Variants in PTX4 observed in about 807,000 individuals in gnomAD.
PTX4 encodes pentraxin 4, also known as pentraxin-4.
In PTX4, 23 loss-of-function variants were observed where a neutral mutation model predicts 19.1. The observed-to-expected ratio is 1.20, with a 90% CI of 0.87 to 1.70. PTX4 has a LOEUF of 1.70. PTX4 is among the 40% of genes most tolerant of loss of function. The pLI, the probability that PTX4 is intolerant of heterozygous loss-of-function variation, is 0.00. For missense variants in PTX4, 678 were observed against 610.5 expected (o/e 1.11, Z -1.17); for synonymous variants, 317 against 279.6 (o/e 1.13, Z -1.33).
rs1489840581 is a variant in PTX4, at chr16:1,485,994, A to G, written c.1382T>C (p.Leu461Pro). Residue 461 changes from leucine (L) to proline (P), a missense_variant, in exon 3 of 3, where the codon CTA becomes CCA. By Grantham distance (98) the Leu-to-Pro change is moderately conservative. Transcript: ENST00000447419. ...GGCCCCCTGCACAAATCCGCCTGCTAGTGCAGCATTGGCCAGCGTCAGGAT... is the reference window on the plus strand; with the variant it reads ...GGCCCCCTGCACAAATCCGCCTGCTGGTGCAGCATTGGCCAGCGTCAGGAT... ...GAILTLANAA[L>P]AGGFVQGANC... is the part of the protein sequence containing the mutation. 4 of 1,613,252 alleles carry G rather than the reference A, an allele frequency of 2.5e-6. No homozygotes were observed. Among genetic ancestry groups the G allele is most frequent in the Non-Finnish European group, 3.4e-6 (4 of 1,179,916 alleles).
chr16:1,485,977 G>T lies in PTX4; in HGVS notation c.1399C>A (p.Gln467Lys). ...ANAALAGGFV[Q>K]GANCTCLERC... ...TCCAGGCAGGTGCAGTTGGCCCCCT[G>T]CACAAATCCGCCTGCTAGTGCAGCA... Residue 467 changes from glutamine to lysine, a missense_variant, in exon 3 of 3, where the codon CAG (glutamine) becomes AAG (lysine). Transcript: ENST00000447419. 1 of 1,611,304 alleles carries T rather than the reference G, an allele frequency of 6.2e-7. No individual in the cohort carries two copies.
chr16:1,488,324 G>A (rs1294439714), intron 1 of PTX4: 1 of 1,610,594 alleles, frequency 6.2e-7, no homozygotes, highest in Non-Finnish European at 8.5e-7. Flanking sequence ...TGCTTTACGA[G>A]GCCCAAACAG....
rs2039239900 is a variant in PTX4 at position 1,486,035 on chromosome 16, C to G, written c.1341G>C (p.Glu447Asp). Residue 447 changes from glutamate to aspartate, a missense_variant, in exon 3 of 3, where the codon GAG becomes GAC. Transcript: ENST00000447419. Reference sequence around the variant, plus strand: ...GCGTCAGGATGGCACCTGTCGGGAACTCTTTCCCGATGGCAAGGTTTGCAA... The same window carrying G: ...GCGTCAGGATGGCACCTGTCGGGAAGTCTTTCCCGATGGCAAGGTTTGCAA... ...GEVANLAIGK[E>D]FPTGAILTLA... 1.2e-6 allele frequency: 2 copies of G among 1,614,122 alleles called. No individual in the cohort carries two copies. Among genetic ancestry groups the G allele is most frequent in the Non-Finnish European group, 1.7e-6 (2 of 1,180,022 alleles).
At position 1,487,444 on chromosome 16, in the gene PTX4, G is replaced by C. The variant is rs563821945; in HGVS notation, c.668C>G (p.Pro223Arg). Residue 223 changes from proline (P) to arginine (R), a missense_variant, in exon 2 of 3, where the codon CCA (proline) becomes CGA (arginine). Physicochemically the swap from Pro to Arg is moderately radical, Grantham distance 103. Coordinates refer to ENST00000447419, the MANE Select transcript of PTX4 (RefSeq NM_001328608.2). ...TTGGAGAGGGGCCGAGGAGTCCTGTGGGGGGCCCCTGTGCTCAGAGGCAGC... is the reference window on the plus strand; with the variant it reads ...TTGGAGAGGGGCCGAGGAGTCCTGTCGGGGGCCCCTGTGCTCAGAGGCAGC... ...LRAASEHRGP[P>R]QDSSAPLQGR... is the part of the protein sequence containing the mutation. The C allele has an allele frequency of 1.3e-6, 2 of 1,515,270 alleles. No individual in the cohort carries two copies. Among genetic ancestry groups the C allele is most frequent in the South Asian group, 1.3e-5 (1 of 75,128 alleles). The allele number at this position is 1,515,270 out of a possible 1,614,324, so 93.9% of individuals were successfully genotyped here. A position where few individuals can be genotyped will look rare whatever the true frequency, so the allele number is the denominator to read the frequency against.
Position 1,486,414 on chromosome 16 carries a change from T to A in PTX4, c.962A>T (p.Asn321Ile), listed in dbSNP as rs1174034031. 6.2e-7 allele frequency: 1 copy of A among 1,614,056 alleles called. No individual in the cohort carries two copies. The highest frequency in any genetic ancestry group is 8.5e-7 in the Non-Finnish European group (1 of 1,180,000). ...GTLLSYATED[N>I]DNKLVLHGRD... ...GCCGTGCAGCACCAGCTTGTTGTCA[T>A]TGTCCTCGGTGGCGTAGGACAGGAG... The change falls in exon 3 of 3, where the codon AAT becomes ATT. Residue 321 changes from asparagine (N) to isoleucine (I), a missense_variant. Physicochemically the swap from Asn to Ile is moderately radical, Grantham distance 149. Coordinates refer to ENST00000447419, the MANE Select transcript of PTX4 (RefSeq NM_001328608.2).
rs142568399 is a variant in PTX4 at position 1,487,921 on chromosome 16, C to T, written c.191G>A (p.Ser64Asn). ...VTWTHLQNIA[S>N]NYNVSYNVDV... ...AACGTTGTAGGACACGTTGTAGTTG[C>T]TGGCGATGTTCTGCAGGTGTGTCCA... Residue 64 changes from serine (S) to asparagine (N), a missense_variant, in exon 2 of 3, where the codon AGC becomes AAC. Coordinates refer to ENST00000447419, the MANE Select transcript of PTX4 (RefSeq NM_001328608.2). 1.5e-5 allele frequency: 24 copies of T among 1,608,426 alleles called. No individual in the cohort carries two copies. The African/African-American group carries it at 3.2e-4, about 21-fold the overall frequency.
In PTX4 at chr16:1,487,729, G is replaced by T. The variant is rs367743776; in HGVS notation, c.383C>A (p.Thr128Asn). The T allele has an allele frequency of 4.3e-6, 7 of 1,612,352 alleles. No homozygotes were observed. The highest frequency in any genetic ancestry group is 1.3e-5 in the African/African-American group (1 of 74,926). Residue 128 changes from threonine (T) to asparagine (N), a missense_variant, in exon 2 of 3, where the codon ACC becomes AAC. Coordinates refer to ENST00000447419, the MANE Select transcript of PTX4 (RefSeq NM_001328608.2). ...VDTRLRALDL[T>N]LGERSQQRAR... ...CCGCTGCTGGCTCCTCTCGCCCAGG[G>T]TGAGGTCCAAGGCCCGCAGCCGCGT...
chr16:1,488,663 C>T (rs1162763950), intron 1 of PTX4, 106 bp downstream of exon 1: 16 of 628,414 alleles, frequency 2.5e-5, no homozygotes, highest in Non-Finnish European at 4.0e-5. Context: ...ACGCGGTGTT[C>T]GTGTCCGCCA....
In PTX4 at chr16:1,487,458, C is replaced by T; in HGVS notation, c.654G>A (p.Glu218=). The part of the protein sequence containing the change: ...RDRQELRAAS[E]HRGPPQDSSA... ...AGGAGTCCTGTGGGGGGCCCCTGTG[C>T]TCAGAGGCAGCTCGGAGCTCCTGCC... is the stretch of plus-strand genomic sequence containing the variant. Residue 218 remains glutamate (E), a synonymous_variant, in exon 2 of 3, where the codon GAG becomes GAA. Transcript: ENST00000447419. 6.6e-7 allele frequency: 1 copy of T among 1,510,924 alleles called. No homozygotes were observed. Among genetic ancestry groups the T allele is most frequent in the South Asian group, 1.3e-5 (1 of 74,742 alleles). 93.6% of individuals were successfully genotyped at this position (1,510,924 alleles called of 1,614,324 possible). A position where few individuals can be genotyped will look rare whatever the true frequency, so the allele number is the denominator to read the frequency against.
Position 1,488,899 on chromosome 16 carries a change from G to C in PTX4, c.11C>G (p.Ser4Trp), listed in dbSNP as rs752001556. 4.3e-6 allele frequency: 3 copies of C among 699,574 alleles called. No homozygotes were observed. In the African/African-American group the frequency reaches 5.2e-5, roughly 12 times the overall value. 43.3% of individuals were successfully genotyped at this position (699,574 alleles called of 1,614,324 possible). MGC[S>W]WRKTLSFFLV... Reference sequence around the variant, plus strand: ...GAAGAAAGACAAGGTCTTCCTCCACGAGCAACCCATCCGGAGAGACGGCAA... The same window carrying C: ...GAAGAAAGACAAGGTCTTCCTCCACCAGCAACCCATCCGGAGAGACGGCAA... The change falls in exon 1 of 3, where the codon TCG (serine) becomes TGG (tryptophan). Residue 4 changes from serine (S) to tryptophan (W), a missense_variant. By Grantham distance (177) the Ser-to-Trp change is radical (BLOSUM62 -3). Transcript: ENST00000447419.
chr16:1,486,356 G>C lies in PTX4; in HGVS notation c.1020C>G (p.Phe340Leu). 1 of 1,613,940 alleles carries C rather than the reference G, an allele frequency of 6.2e-7. No homozygotes were observed. The highest frequency in any genetic ancestry group is 8.5e-7 in the Non-Finnish European group (1 of 1,179,986). ...CCCTGAAGGCCGGGTCCCCGATCAC[G>C]AAGTGGATGGATCCGGGCAGCAGGG... Reference protein sequence around the residue: ...RDSLLPGSIHFVIGDPAFREL... With the variant: ...RDSLLPGSIHLVIGDPAFREL... The change falls in exon 3 of 3, where the codon TTC (phenylalanine) becomes TTG (leucine). Residue 340 changes from phenylalanine (F) to leucine (L), a missense_variant. Phe to Leu is a conservative substitution (Grantham distance 22). Transcript: ENST00000447419.
intron 2 of PTX4, among the ~76,000 whole-genome samples, chr16:1,486,987 G>A (rs1030019007): frequency 1.3e-5 from 2 of 152,188 alleles, no homozygotes; most frequent in African/African-American, 4.8e-5. Context: ...GTGTGGACAG[G>A]GCTGGTTCCT....
intron 2 of PTX4, 147 bp from the exon 3 acceptor site, chr16:1,486,726 C>G (rs2039249879): frequency 1.3e-6 from 1 of 793,492 alleles, no homozygotes; most frequent in Non-Finnish European, 1.9e-6. Flanking sequence ...CCGATGGCTC[C>G]CCTGCAGCGT....
rs746979782 is a variant in PTX4 at position 1,487,823 on chromosome 16, C to G, written c.289G>C (p.Val97Leu). ...AQAVNRSQAS[V>L]QGELAQLKAW... ...TTGAGCTGCGCCAGCTCCCCCTGCA[C>G]CGAGGCCTGTGACCGGTTGACTGCC... Residue 97 changes from valine to leucine, a missense_variant, in exon 2 of 3, where the codon GTG becomes CTG. Coordinates refer to ENST00000447419, the MANE Select transcript of PTX4 (RefSeq NM_001328608.2). 11 of 1,613,152 alleles carry G rather than the reference C, an allele frequency of 6.8e-6. No individual in the cohort carries two copies. The highest frequency in any genetic ancestry group is 9.3e-6 in the Non-Finnish European group (11 of 1,179,940).
At position 1,486,124 on chromosome 16, in the gene PTX4, C is replaced by G. The variant is rs201030301; in HGVS notation, c.1252G>C (p.Glu418Gln). 6 of 1,614,184 alleles carry G rather than the reference C, an allele frequency of 3.7e-6. No individual in the cohort carries two copies. In the Admixed American group the frequency reaches 8.3e-5, roughly 22 times the overall value. ...DSVGGGFDSSEAFVGSMSGLA... is the reference protein window; with the variant it reads ...DSVGGGFDSSQAFVGSMSGLA... ...CCAGACATGCTCCCCACGAAGGCCT[C>G]GGAGCTGTCGAATCCGCCCCCCACG... The change falls in exon 3 of 3, where the codon GAG becomes CAG. Residue 418 changes from glutamate (E) to glutamine (Q), a missense_variant. By Grantham distance (29) the Glu-to-Gln change is conservative (BLOSUM62 2). Coordinates refer to ENST00000447419, the MANE Select transcript of PTX4 (RefSeq NM_001328608.2).
chr16:1,486,469 C>G lies in PTX4; in HGVS notation c.907G>C (p.Val303Leu), dbSNP rs1164861303. 1 of 1,613,288 alleles carries G rather than the reference C, an allele frequency of 6.2e-7. No homozygotes were observed. Among genetic ancestry groups the G allele is most frequent in the Non-Finnish European group, 8.5e-7 (1 of 1,179,698 alleles). Reference sequence around the variant, plus strand: ...CCCAGGCGGCCGGAGGCCGTGCGGACCCAGCTGCAGAAGGACAGGGCTCGC... The same window carrying G: ...CCCAGGCGGCCGGAGGCCGTGCGGAGCCAGCTGCAGAAGGACAGGGCTCGC... Reference protein sequence around the residue: ...ALRALSFCSWVRTASGRLGTL... With the variant: ...ALRALSFCSWLRTASGRLGTL... Residue 303 changes from valine to leucine, a missense_variant, in exon 3 of 3, where the codon GTC becomes CTC. Physicochemically the swap from Val to Leu is conservative, Grantham distance 32. Coordinates refer to ENST00000447419, the MANE Select transcript of PTX4 (RefSeq NM_001328608.2).
rs2039243849 is a variant in PTX4 at position 1,486,216 on chromosome 16, G to A, written c.1160C>T (p.Ser387Phe). ...GATCTCATAGCCCTCCCTGAAGCGG[G>A]AGCCGGTGGCCACCAGCCTGCGATC... ...HVDRRLVATG[S>F]RFREGYEIPP... The change falls in exon 3 of 3, where the codon TCC (serine) becomes TTC (phenylalanine). Residue 387 changes from serine (S) to phenylalanine (F), a missense_variant. Physicochemically the swap from Ser to Phe is radical, Grantham distance 155. Coordinates refer to ENST00000447419, the MANE Select transcript of PTX4 (RefSeq NM_001328608.2). The A allele has an allele frequency of 1.2e-6, 2 of 1,612,642 alleles. No individual in the cohort carries two copies. Among genetic ancestry groups the A allele is most frequent in the Non-Finnish European group, 1.7e-6 (2 of 1,179,508 alleles).
chr16:1,486,350 G>A lies in PTX4; in HGVS notation c.1026C>T (p.Ile342=), dbSNP rs139849606. 2.1e-5 allele frequency: 34 copies of A among 1,613,872 alleles called. No individual in the cohort carries two copies. The highest frequency in any genetic ancestry group is 3.3e-5 in the Admixed American group (2 of 60,030). ...GCAGCTCCCTGAAGGCCGGGTCCCC[G>A]ATCACGAAGTGGATGGATCCGGGCA... is the stretch of plus-strand genomic sequence containing the variant. ...SLLPGSIHFV[I]GDPAFRELPL... Residue 342 remains isoleucine, a synonymous_variant, in exon 3 of 3, where the codon ATC becomes ATT. Transcript: ENST00000447419.
chr16:1,487,345 T>C lies in PTX4; in HGVS notation c.767A>G (p.Gln256Arg), dbSNP rs766240568. 1.9e-6 allele frequency: 3 copies of C among 1,554,034 alleles called. No individual in the cohort carries two copies. In the East Asian group the frequency reaches 7.0e-5, roughly 36 times the overall value. The change falls in exon 2 of 3, where the codon CAG becomes CGG. Residue 256 changes from glutamine (Q) to arginine (R), a missense_variant. By Grantham distance (43) the Gln-to-Arg change is conservative. Coordinates refer to ENST00000447419, the MANE Select transcript of PTX4 (RefSeq NM_001328608.2). ...TCCTGGCACCTGGGGGGACCATGCCTGCTGCCGAGGGTCTTTTGGGGCAGT... is the reference window on the plus strand; with the variant it reads ...TCCTGGCACCTGGGGGGACCATGCCCGCTGCCGAGGGTCTTTTGGGGCAGT... ...SGTAPKDPRQQAWSPQVPGEI... is the reference protein window; with the variant it reads ...SGTAPKDPRQRAWSPQVPGEI...
Sources: allele counts gnomAD v4.1 joint callset (sites outside exome capture counted in the v4.1 genomes callset), GRCh38; gene constraint gnomAD v4.1.1; transcripts MANE v1.5; gene names NCBI Gene and HGNC (gene_info 2026-07-23, HGNC 2026-07-21).